Variants in PPFIA2 observed in about 807,000 individuals in gnomAD.
The protein encoded by PPFIA2 is liprin-alpha-2.
A neutral mutation model predicts 175.5 loss-of-function variants in PPFIA2; 46 were observed. The ratio of observed to expected loss-of-function variants is 0.26; its 90% CI spans 0.21 to 0.34. The LOEUF (loss-of-function observed/expected upper bound fraction) is 0.34, where lower values mean the gene tolerates loss of function less well. Among genes scored for constraint, PPFIA2 ranks in the 10% least tolerant of loss-of-function variants. The pLI is 1.00. For missense variants in PPFIA2, 1,179 were observed against 1,506.1 expected, an observed-to-expected ratio of 0.78 and a Z score of 3.60; for synonymous variants, 568 against 511.4, an observed-to-expected ratio of 1.11 and a Z score of -1.49.
At chr12:81,611,952 G>A (rs952655533) in intron 4 of PPFIA2, among the ~76,000 whole-genome samples, 5 of 152,092 alleles carry the variant, frequency 3.3e-5, no homozygotes, top group Non-Finnish European at 5.9e-5. Flanking sequence ...CCTCTCCCAC[G>A]AGCCATTAGT....
chr12:81,422,546 T>C (rs1048908361), intron 7 of PPFIA2, among the ~76,000 whole-genome samples: 7 of 152,036 alleles, frequency 4.6e-5, no homozygotes, highest in African/African-American at 1.7e-4. Flanking sequence ...TTACTACAGA[T>C]GGAAGGGAGT....
intron 4 of PPFIA2, among the ~76,000 whole-genome samples, chr12:81,657,472 C>T (rs1342683913): frequency 1.3e-5 from 2 of 152,174 alleles, no homozygotes; most frequent in African/African-American, 4.8e-5. Flanking sequence ...TCAGACTCAC[C>T]TTCTTAGAGA....
chr12:81,314,085 T>C (rs905255545), intron 22 of PPFIA2, among the ~76,000 whole-genome samples: 1 of 151,820 alleles, frequency 6.6e-6, no homozygotes, highest in Non-Finnish European at 1.5e-5. Flanking sequence ...GTAAATAAAG[T>C]TAAGAACTAT....
intron 4 of PPFIA2, among the ~76,000 whole-genome samples, chr12:81,650,989 A>G (rs1348684235): frequency 6.6e-6 from 1 of 152,256 alleles, no homozygotes; most frequent in Admixed American, 6.5e-5. Flanking sequence ...CAATTATTAC[A>G]GATACAGATA....
chr12:81,445,456 G>A (rs73358634), intron 6 of PPFIA2, 100 bp downstream of exon 6: 1 of 1,112,924 alleles, frequency 9.0e-7, no homozygotes, highest in Non-Finnish European at 1.3e-6. Context: ...TTCCTCAACT[G>A]ACTGACTTTA....
chr12:81,638,099 TTCC>T (rs2064357294), intron 4 of PPFIA2, among the ~76,000 whole-genome samples: 1 of 152,182 alleles, frequency 6.6e-6, no homozygotes, highest in Non-Finnish European at 1.5e-5. Context: ...TCACTATTTA[TTCC>T]TCATTATTCT....
At position 81,294,639 on chromosome 12, in the gene PPFIA2, C is replaced by G. The variant is rs2046043575; in HGVS notation, c.2925+196G>C. 6 of 604,910 alleles carry G rather than the reference C, an allele frequency of 9.9e-6. No homozygotes were observed. The East Asian group carries it at 1.7e-4, about 17-fold the overall frequency. The allele number at this position is 604,910 out of a possible 1,614,324, so 37.5% of individuals were successfully genotyped here. On this transcript the variant is annotated intron_variant, in intron 24 of 32. Transcript: ENST00000549396. Reference sequence around the variant, plus strand: ...CAAAAGTCTGCTATGCTAGCTTTCACGTCTGATATGAATCATAGTTCCTCA... The same window carrying G: ...CAAAAGTCTGCTATGCTAGCTTTCAGGTCTGATATGAATCATAGTTCCTCA...
intron 19 of PPFIA2, among the ~76,000 whole-genome samples, chr12:81,344,242 CT>C (rs1566295048): frequency 6.6e-6 from 1 of 151,890 alleles, no homozygotes; most frequent in Admixed American, 6.6e-5. Context: ...AACAAGCTAT[CT>C]TTTTTTGACA....
chr12:81,507,862 A>C (rs2061344863), intron 4 of PPFIA2, among the ~76,000 whole-genome samples: 1 of 152,256 alleles, frequency 6.6e-6, no homozygotes. Context: ...CCAATGTCAC[A>C]TAGACTGGTA....
At chr12:81,557,231 A>G (rs1165567070) in intron 4 of PPFIA2, among the ~76,000 whole-genome samples, 6 of 151,950 alleles carry the variant, frequency 3.9e-5, no homozygotes, top group African/African-American at 1.4e-4. Context: ...ACATATACAT[A>G]AAAATACAGA....
chr12:81,578,259 C>CA (rs1457853007), intron 4 of PPFIA2, among the ~76,000 whole-genome samples: 1 of 151,586 alleles, frequency 6.6e-6, no homozygotes, highest in African/African-American at 2.4e-5. Flanking sequence ...CACAAGGTGA[C>CA]CTCTAATTTA....
Position 81,417,671 on chromosome 12 carries a change from A to G in PPFIA2, c.646-11768T>C, listed in dbSNP as rs117467303. On this transcript the variant is annotated intron_variant, in intron 7 of 32. Transcript: ENST00000549396. ...TCCATTTACTTCAGTTCTAATGGTA[A>G]TTATCATGTTACATTTATCTGTACC... Among the ~76,000 whole-genome samples the G allele has an allele frequency of 6.7e-3, 1,012 of 151,872 alleles. 9 individuals carry two copies. Among genetic ancestry groups the G allele is most frequent in the South Asian group, 0.012 (59 of 4,820 alleles).
At chr12:81,626,535 C>T (rs1421887494) in intron 4 of PPFIA2, among the ~76,000 whole-genome samples, 3 of 152,074 alleles carry the variant, frequency 2.0e-5, no homozygotes, top group Non-Finnish European at 4.4e-5. Flanking sequence ...ATCTCTTGTG[C>T]TGTTTGAGTC....
At chr12:81,684,384 C>A (rs772112823) in intron 3 of PPFIA2, among the ~76,000 whole-genome samples, 1 of 151,998 alleles carries the variant, frequency 6.6e-6, no homozygotes, top group East Asian at 1.9e-4. Flanking sequence ...AAAGAAGGTG[C>A]AAGAACAATG....
At chr12:81,384,312 TAAAG>T (rs1374913893) in intron 8 of PPFIA2, 68 bp from the exon 9 acceptor site, 37 of 1,124,540 alleles carry the variant, frequency 3.3e-5, no homozygotes, top group Non-Finnish European at 4.4e-5. Flanking sequence ...AAAATAAACT[TAAAG>T]AAATTAAACT....
At chr12:81,512,998 G>A (rs917403910) in intron 4 of PPFIA2, among the ~76,000 whole-genome samples, 3 of 151,856 alleles carry the variant, frequency 2.0e-5, no homozygotes, top group Non-Finnish European at 4.4e-5. Flanking sequence ...TACAAACTAC[G>A]CATCTGACAA....
Position 81,421,624 on chromosome 12 carries a change from G to GA in PPFIA2, c.646-15722dup, listed in dbSNP as rs2046258798. Among the ~76,000 whole-genome samples, 24 of 151,880 alleles carry GA rather than the reference G, an allele frequency of 1.6e-4. No individual in the cohort carries two copies. In the South Asian group the frequency reaches 5.0e-3, roughly 32 times the overall value. ...AGAAGACAGTAAGAGAGCAGAGAGA[G>GA]AAAAATCAATGGCAAAATGTATAGA... On this transcript the variant is annotated intron_variant, in intron 7 of 32. Transcript: ENST00000549396.
rs534474277 is a variant in PPFIA2, at chr12:81,549,496, C to G, written c.304-91630G>C. On this transcript the variant is annotated intron_variant, in intron 4 of 32. Coordinates refer to ENST00000549396, the MANE Select transcript of PPFIA2 (RefSeq NM_003625.5). Reference sequence around the variant, plus strand: ...TAGTTAAATAATACTAACTGCTGTCCCCATATCATGGCCTATGGGAAGTCT... The same window carrying G: ...TAGTTAAATAATACTAACTGCTGTCGCCATATCATGGCCTATGGGAAGTCT... 2.5e-4 allele frequency among the ~76,000 whole-genome samples: 38 copies of G among 152,016 alleles called. 2 individuals are homozygous for G. In the South Asian group the frequency reaches 7.7e-3, roughly 31 times the overall value.
chr12:81,531,715 T>C (rs1003685903), intron 4 of PPFIA2, among the ~76,000 whole-genome samples: 14 of 151,532 alleles, frequency 9.2e-5, no homozygotes, highest in African/African-American at 3.4e-4. Context: ...TAGATTTTCT[T>C]CTAAAGGTAA....
Sources: gnomAD v4.1 joint callset for allele counts (sites outside exome capture counted in the v4.1 genomes callset) on GRCh38, gnomAD v4.1.1 for gene constraint, MANE v1.5 for transcripts, NCBI Gene and HGNC (gene_info 2026-07-23, HGNC 2026-07-21) for gene names.